Variants in STK3 observed in about 807,000 individuals in gnomAD.
STK3 encodes the protein serine/threonine-protein kinase 3.
STK3 carries 41 observed loss-of-function variants against 58.0 expected under a neutral mutation model. The ratio of observed to expected loss-of-function variants is 0.71; its 90% CI spans 0.55 to 0.92. The LOEUF (loss-of-function observed/expected upper bound fraction) is 0.92, where lower values mean the gene tolerates loss of function less well. STK3 is among the 40% of genes least tolerant of loss of function. STK3 has a pLI of 0.00. For synonymous variants in STK3, 170 were observed against 191.0 expected, an observed-to-expected ratio of 0.89 and a Z score of 0.91; for missense variants, 479 against 602.7, an observed-to-expected ratio of 0.79 and a Z score of 2.15.
At position 98,707,189 on chromosome 8, in the gene STK3, T is replaced by C. The variant is rs199618081; in HGVS notation, c.474A>G (p.Gly158=). The change falls in exon 5 of 11, where the codon GGA becomes GGG. Residue 158 remains glycine, a synonymous_variant. Transcript: ENST00000419617. ...KAGNILLNTE[G]HAKLADFGVA... The stretch of plus-strand genomic sequence containing the variant: ...CTCCAAAATCTGCCAATTTTGCATG[T>C]CCTTCTGTATTGAGGAGAATATTTC... The C allele has an allele frequency of 2.9e-5, 47 of 1,609,168 alleles. No homozygotes were observed. The African/African-American group carries it at 5.6e-4, about 19-fold the overall frequency.
At chr8:98,792,005 T>C (rs1207859134) in intron 1 of STK3, among the ~76,000 whole-genome samples, 1 of 152,198 alleles carries the variant, frequency 6.6e-6, no homozygotes, top group East Asian at 1.9e-4. Flanking sequence ...AAAAGAACGG[T>C]CAGCAGAGTA....
intron 6 of STK3, among the ~76,000 whole-genome samples, chr8:98,643,156 G>T (rs1199177843): frequency 6.6e-6 from 1 of 152,196 alleles, no homozygotes; most frequent in East Asian, 1.9e-4. Context: ...GAGCCTGGGA[G>T]ATCAAGGCTG....
At chr8:98,758,241 T>A (rs574219655) in intron 3 of STK3, among the ~76,000 whole-genome samples, 1 of 152,190 alleles carries the variant, frequency 6.6e-6, no homozygotes, top group Non-Finnish European at 1.5e-5. Context: ...CTGGTACCAA[T>A]CCTACTGAAA....
At chr8:98,699,953 G>A (rs1347112760) in intron 6 of STK3, among the ~76,000 whole-genome samples, 1 of 152,184 alleles carries the variant, frequency 6.6e-6, no homozygotes, top group African/African-American at 2.4e-5. Flanking sequence ...GTTTGTCTGT[G>A]CCCTGCCTCC....
intron 3 of STK3, among the ~76,000 whole-genome samples, chr8:98,404,558 T>C (rs1478038105): frequency 1.3e-5 from 2 of 151,504 alleles, no homozygotes; most frequent in Non-Finnish European, 1.5e-5. Context: ...CGGATGCCTG[T>C]AGTCCCAGCT....
At chr8:98,589,829 G>C (rs4554439) in intron 7 of STK3, among the ~76,000 whole-genome samples, 4,522 of 152,332 alleles carry the variant, frequency 0.03, 96 homozygotes, top group South Asian at 0.061. Flanking sequence ...CGTCGGAAAA[G>C]TGCAGTATTA....
chr8:98,824,432 G>T (rs891679416), intron 1 of STK3, among the ~76,000 whole-genome samples: 1 of 152,146 alleles, frequency 6.6e-6, no homozygotes, highest in African/African-American at 2.4e-5. Context: ...TTTCTCAGAG[G>T]TGCTCCTTCC....
At chr8:98,918,620 T>G (rs1839433989) in intron 1 of STK3, among the ~76,000 whole-genome samples, 1 of 151,710 alleles carries the variant, frequency 6.6e-6, no homozygotes, top group South Asian at 2.1e-4. Flanking sequence ...AAATAAAAAA[T>G]TAGCTGTGGT....
chr8:98,749,392 TAAAGGAA>T lies in STK3; in HGVS notation c.237-9_237-3del. The stretch of plus-strand genomic sequence containing the variant: ...CCATAGTACTTTACAACATATGGGC[TAAAGGAA>T]AATACATAAACAATTAAATTTAGTT... On this transcript the variant is annotated splice_polypyrimidine_tract_variant and splice_region_variant and intron_variant, in intron 3 of 10. Transcript: ENST00000419617. 1 of 1,465,398 alleles carries T rather than the reference TAAAGGAA, an allele frequency of 6.8e-7. No individual in the cohort carries two copies. Among genetic ancestry groups the T allele is most frequent in the Non-Finnish European group, 9.3e-7 (1 of 1,078,172 alleles). The allele number at this position is 1,465,398 out of a possible 1,614,324, so 90.8% of individuals were successfully genotyped here.
chr8:98,866,563 G>C (rs909994323), intron 3 of STK3, among the ~76,000 whole-genome samples: 1 of 152,212 alleles, frequency 6.6e-6, no homozygotes, highest in African/African-American at 2.4e-5. Context: ...AGGTGAGTAG[G>C]AACGCTGGAA....
chr8:98,712,724 A>G (rs1211606333), intron 4 of STK3, among the ~76,000 whole-genome samples: 1 of 152,156 alleles, frequency 6.6e-6, no homozygotes, highest in African/African-American at 2.4e-5. Context: ...AGACAGATCA[A>G]CAAGACAGAA....
chr8:98,887,341 G>A (rs1838028969), intron 1 of STK3, among the ~76,000 whole-genome samples: 1 of 151,904 alleles, frequency 6.6e-6, no homozygotes, highest in Non-Finnish European at 1.5e-5. Context: ...TTTTGATTAG[G>A]GATGTTCAAC....
intron 1 of STK3, among the ~76,000 whole-genome samples, chr8:98,935,312 C>A (rs1840156974): frequency 6.6e-6 from 1 of 152,222 alleles, no homozygotes; most frequent in Admixed American, 6.5e-5. Context: ...AATGAAGAAG[C>A]TATCCACCAT....
intron 1 of STK3, among the ~76,000 whole-genome samples, chr8:98,912,024 C>T (rs985997891): frequency 9.2e-5 from 14 of 152,164 alleles, no homozygotes; most frequent in African/African-American, 3.4e-4. Flanking sequence ...AGCCCTTTTT[C>T]CTCACCTGAG....
At chr8:98,730,484 G>A (rs574603973) in intron 4 of STK3, among the ~76,000 whole-genome samples, 6 of 152,214 alleles carry the variant, frequency 3.9e-5, no homozygotes, top group East Asian at 3.9e-4. Context: ...TTGCGAGGCC[G>A]AGGTGGGTGG....
At chr8:98,591,981 C>T (rs1285520195) in intron 7 of STK3, among the ~76,000 whole-genome samples, 1 of 152,180 alleles carries the variant, frequency 6.6e-6, no homozygotes, top group Non-Finnish European at 1.5e-5. Flanking sequence ...CCTTCTCATT[C>T]TTTCATCAGA....
At chr8:98,682,118 A>G (rs1823682252) in intron 6 of STK3, among the ~76,000 whole-genome samples, 1 of 152,244 alleles carries the variant, frequency 6.6e-6, no homozygotes, top group Admixed American at 6.5e-5. Context: ...TCATAAGTAA[A>G]GCAAAATAGA....
At position 98,476,856 on chromosome 8, in the gene STK3, T is replaced by A. The variant is rs1014618923; in HGVS notation, c.1318-20856A>T. ...ACTACAACCATGCAAGGCTTAATACTTTTACAACAAAGGAATTTAGAATAT... is the reference window on the plus strand; with the variant it reads ...ACTACAACCATGCAAGGCTTAATACATTTACAACAAAGGAATTTAGAATAT... On this transcript the variant is annotated intron_variant, in intron 10 of 10. Coordinates refer to ENST00000419617, the MANE Select transcript of STK3 (RefSeq NM_006281.4). Among the ~76,000 whole-genome samples, 10 of 152,204 alleles carry A rather than the reference T, an allele frequency of 6.6e-5. No individual in the cohort carries two copies. The East Asian group carries it at 1.9e-3, about 29-fold the overall frequency.
intron 9 of STK3, among the ~76,000 whole-genome samples, chr8:98,528,872 A>G (rs1825939301): frequency 6.6e-6 from 1 of 152,200 alleles, no homozygotes; most frequent in South Asian, 2.1e-4. Context: ...TGTCCCTCAA[A>G]TATCTGAAGA....
Sources: allele counts gnomAD v4.1 joint callset (sites outside exome capture counted in the v4.1 genomes callset), GRCh38; gene constraint gnomAD v4.1.1; transcripts MANE v1.5; gene names NCBI Gene and HGNC (gene_info 2026-07-23, HGNC 2026-07-21).